The following SPAG17 variants were observed in gnomAD, a reference collection of about 807,000 sequenced individuals.
SPAG17 encodes sperm-associated antigen 17.
In SPAG17, 169 loss-of-function variants were observed where a neutral mutation model predicts 273.6. The observed-to-expected ratio is 0.62, with a 90% CI of 0.55 to 0.70. The LOEUF (loss-of-function observed/expected upper bound fraction) is 0.70, where lower values mean the gene tolerates loss of function less well. SPAG17 is among the 30% of genes least tolerant of loss of function. The probability of loss-of-function intolerance (pLI) is 0.00; values close to 1 mark genes in which losing one functional copy is unlikely to be tolerated. For missense variants in SPAG17, 2,557 were observed against 2,627.8 expected (o/e 0.97, Z 0.59); for synonymous variants, 825 against 873.2 (o/e 0.94, Z 0.97).
In SPAG17 at chr1:118,005,546, G is replaced by A. The variant is rs375925006; in HGVS notation, c.4644C>T (p.Tyr1548=). ...LYIDKDCSAV[Y]CHESSSNIYY... ...ATATATTACTGCTTGACTCATGGCA[G>A]TACACAGCTGAACAATCCTTGTCAA... is the stretch of plus-strand genomic sequence containing the variant. The change falls in exon 32 of 49, where the codon TAC becomes TAT. Residue 1548 remains tyrosine, a synonymous_variant. Transcript: ENST00000336338. 11 of 1,603,620 alleles carry A rather than the reference G, an allele frequency of 6.9e-6. No homozygotes were observed. The highest frequency in any genetic ancestry group is 1.7e-5 in the Admixed American group (1 of 58,740).
chr1:118,139,384 C>T (rs1048462963), intron 3 of SPAG17, among the ~76,000 whole-genome samples: 4 of 152,058 alleles, frequency 2.6e-5, no homozygotes, highest in African/African-American at 9.7e-5. Flanking sequence ...TACGACAGCC[C>T]ATTATGGAAA....
At position 118,055,845 on chromosome 1, in the gene SPAG17, T is replaced by C. The variant is rs774566003; in HGVS notation, c.2610A>G (p.Glu870=). ...TGATGATTTTCTCATTCATTTTAGA[T>C]TCCTGATATATAGCTTCTTCTTTTG... ...WITKEEAIYQ[E]SKMNEKIIRT... is the part of the protein sequence containing the mutation. The change falls in exon 19 of 49, where the codon GAA becomes GAG. Residue 870 remains glutamate (E), a synonymous_variant. Transcript: ENST00000336338. 61 of 1,612,956 alleles carry C rather than the reference T, an allele frequency of 3.8e-5. No homozygotes were observed. The highest frequency in any genetic ancestry group is 4.9e-5 in the Non-Finnish European group (58 of 1,179,528).
chr1:118,073,583 A>T (rs150789744), intron 17 of SPAG17, among the ~76,000 whole-genome samples: 21 of 152,304 alleles, frequency 1.4e-4, no homozygotes, highest in Non-Finnish European at 2.2e-4. Flanking sequence ...GCAGCAAAAA[A>T]ATATATATAT....
At chr1:118,144,147 G>GA (rs1182427744) in intron 3 of SPAG17, among the ~76,000 whole-genome samples, 1 of 152,178 alleles carries the variant, frequency 6.6e-6, no homozygotes, top group Non-Finnish European at 1.5e-5. Context: ...GCTTTTCTTT[G>GA]AAAATAGAAC....
intron 26 of SPAG17, among the ~76,000 whole-genome samples, chr1:118,025,688 C>T (rs1054479572): frequency 6.6e-6 from 1 of 152,026 alleles, no homozygotes; most frequent in Non-Finnish European, 1.5e-5. Context: ...CAGAGGGTCT[C>T]ATTATGTTGG....
chr1:118,145,781 G>C (rs1444216844), intron 3 of SPAG17, among the ~76,000 whole-genome samples: 1 of 151,952 alleles, frequency 6.6e-6, no homozygotes, highest in Non-Finnish European at 1.5e-5. Context: ...GTTTAGGATA[G>C]TTCAAGTTCT....
At chr1:117,956,928 C>T (rs1652285771) in intron 48 of SPAG17, 1 of 617,322 alleles carries the variant, frequency 1.6e-6, no homozygotes, top group Non-Finnish European at 2.5e-6. Flanking sequence ...ATCTAGCTTA[C>T]AGATGAATAT....
At chr1:117,969,294 T>C (rs1654277622) in intron 46 of SPAG17, among the ~76,000 whole-genome samples, 1 of 152,100 alleles carries the variant, frequency 6.6e-6, no homozygotes, top group Admixed American at 6.6e-5. Context: ...TAAATACGAT[T>C]TCTTGGTTGG....
At chr1:118,143,251 C>T (rs1210433601) in intron 3 of SPAG17, among the ~76,000 whole-genome samples, 1 of 152,180 alleles carries the variant, frequency 6.6e-6, no homozygotes, top group African/African-American at 2.4e-5. Flanking sequence ...ATATTGAAGA[C>T]ATATTAAACC....
intron 46 of SPAG17, among the ~76,000 whole-genome samples, chr1:117,969,198 G>A (rs1040832738): frequency 1.3e-5 from 2 of 152,104 alleles, no homozygotes; most frequent in African/African-American, 4.8e-5. Context: ...TTTGGAGGAT[G>A]TATCAAATAA....
intron 48 of SPAG17, chr1:117,959,567 G>T (rs1307578129): frequency 3.6e-6 from 4 of 1,102,810 alleles, no homozygotes; most frequent in Non-Finnish European, 4.9e-6. Flanking sequence ...CATTGCAGAT[G>T]ATATCAGGAT....
chr1:118,128,208 C>G (rs990347734), intron 3 of SPAG17, among the ~76,000 whole-genome samples: 3 of 150,978 alleles, frequency 2.0e-5, no homozygotes, highest in Admixed American at 2.0e-4. Flanking sequence ...GATTTTTCAG[C>G]TAGTTTGTTA....
intron 20 of SPAG17, among the ~76,000 whole-genome samples, chr1:118,052,902 T>C (rs971313731): frequency 6.6e-6 from 1 of 152,012 alleles, no homozygotes; most frequent in Non-Finnish European, 1.5e-5. Flanking sequence ...CATAAAGATG[T>C]TCCCAGGAGA....
chr1:118,011,342 C>A (rs1314030490), intron 30 of SPAG17, among the ~76,000 whole-genome samples: 1 of 152,156 alleles, frequency 6.6e-6, no homozygotes, highest in African/African-American at 2.4e-5. Flanking sequence ...CAGTGGTAGA[C>A]TGGAGTAAGC....
At chr1:118,112,431 T>C (rs1305804314) in intron 4 of SPAG17, among the ~76,000 whole-genome samples, 1 of 152,044 alleles carries the variant, frequency 6.6e-6, no homozygotes, top group African/African-American at 2.4e-5. Flanking sequence ...TATTAACAGA[T>C]AGAAATAAAA....
At chr1:118,029,303 G>A (rs192789518) in intron 25 of SPAG17, among the ~76,000 whole-genome samples, 100 of 152,246 alleles carry the variant, frequency 6.6e-4, no homozygotes, top group Admixed American at 1.4e-3. Context: ...CTAATATCTT[G>A]ATATTGGACT....
intron 43 of SPAG17, among the ~76,000 whole-genome samples, chr1:117,975,828 G>T (rs1381038691): frequency 6.6e-6 from 1 of 152,148 alleles, no homozygotes; most frequent in Non-Finnish European, 1.5e-5. Context: ...TATCCTTGCC[G>T]TATGTGTACT....
intron 1 of SPAG17, among the ~76,000 whole-genome samples, chr1:118,156,212 T>C (rs1211008574): frequency 1.3e-5 from 2 of 152,248 alleles, no homozygotes; most frequent in Non-Finnish European, 2.9e-5. Flanking sequence ...TATGTGGCTG[T>C]CATGTTTTCT....
chr1:118,049,046 A>T (rs964266069), intron 20 of SPAG17, among the ~76,000 whole-genome samples: 1 of 152,216 alleles, frequency 6.6e-6, no homozygotes, highest in Non-Finnish European at 1.5e-5. Context: ...TACAAAACTG[A>T]ACATACAAAT....
Sources: allele counts gnomAD v4.1 joint callset (sites outside exome capture counted in the v4.1 genomes callset), GRCh38; gene constraint gnomAD v4.1.1; transcripts MANE v1.5; gene names NCBI Gene and HGNC (gene_info 2026-07-23, HGNC 2026-07-21).